The following EMC3 variants were observed in gnomAD, a reference collection of about 807,000 sequenced individuals.
EMC3 encodes ER membrane protein complex subunit 3, also known as 30 kDa protein.
In EMC3, 13 loss-of-function variants were observed where a neutral mutation model predicts 36.6. The observed-to-expected ratio is 0.35, with a 90% CI of 0.23 to 0.56. The LOEUF (loss-of-function observed/expected upper bound fraction) is 0.56. Ranked by LOEUF, EMC3 falls within the 20% of genes least tolerant of loss-of-function variation. EMC3 has a pLI of 0.84. For missense variants in EMC3, 220 were observed against 324.5 expected, an observed-to-expected ratio of 0.68 and a Z score of 2.47; for synonymous variants, 120 against 111.9, an observed-to-expected ratio of 1.07 and a Z score of -0.46.
intron 7 of EMC3, among the ~76,000 whole-genome samples, chr3:9,966,603 C>T (rs2085738964): frequency 6.6e-6 from 1 of 151,912 alleles, no homozygotes; most frequent in African/African-American, 2.4e-5. Context: ...GTGGCGCCAT[C>T]TTGGCTCACT....
At chr3:9,973,601 T>C in intron 5 of EMC3, 27 bp downstream of exon 5, 1 of 1,607,672 alleles carries the variant, frequency 6.2e-7, no homozygotes, top group South Asian at 1.1e-5. Context: ...TGGTTTGTGT[T>C]TTTATTAAAC....
Position 9,968,060 on chromosome 3 carries a change from T to G in EMC3, c.657+1659A>C, listed in dbSNP as rs532208187. On this transcript the variant is annotated intron_variant, in intron 7 of 7. Transcript: ENST00000245046. ...CCTCAGCCTCCCGAGTAGCTGGGAC[T>G]ACAGGCAGGCACCACCATGCACAGC... Among the ~76,000 whole-genome samples the G allele has an allele frequency of 3.7e-4, 57 of 152,344 alleles. No homozygotes were observed. In the South Asian group the frequency reaches 0.011, roughly 30 times the overall value.
Position 9,964,119 on chromosome 3 carries a change from G to A in EMC3, c.736C>T (p.Leu246Phe). The change falls in exon 8 of 8, where the codon CTC (leucine) becomes TTC (phenylalanine). Residue 246 changes from leucine (L) to phenylalanine (F), a missense_variant. Leu to Phe is a conservative substitution (Grantham distance 22). This residue lies in a region of EMC3 where 37 missense variants were observed against 32.9 expected (regional missense o/e 1.13). Transcript: ENST00000245046. ...TTTTTGAACATGCCTTCGAAGTGGA[G>A]GTCTTTGGCCATGAGCTCTTCTTCG... ...DVEEELMAKD[L>F]HFEGMFKKEL... 3 of 1,614,174 alleles carry A rather than the reference G, an allele frequency of 1.9e-6. No homozygotes were observed. Among genetic ancestry groups the A allele is most frequent in the Non-Finnish European group, 2.5e-6 (3 of 1,180,040 alleles).
intron 1 of EMC3, among the ~76,000 whole-genome samples, chr3:9,985,906 A>G (rs1406332408): frequency 6.6e-6 from 1 of 152,212 alleles, no homozygotes; most frequent in African/African-American, 2.4e-5. Context: ...AAAATAAGCA[A>G]ATAAATAGAT....
chr3:9,974,162 G>A (rs1293284224), intron 4 of EMC3, among the ~76,000 whole-genome samples: 6 of 152,320 alleles, frequency 3.9e-5, no homozygotes, highest in Non-Finnish European at 8.8e-5. Context: ...TTGGAAGTAA[G>A]CTAGCAAGTC....
At chr3:9,976,556 C>T (rs1024729982) in intron 3 of EMC3, among the ~76,000 whole-genome samples, 16 of 152,168 alleles carry the variant, frequency 1.1e-4, no homozygotes, top group African/African-American at 3.6e-4. Flanking sequence ...CTGCACTCTT[C>T]CTCATTTAGG....
At chr3:10,010,918 G>T (rs960533176) in intron 1 of EMC3, 1 of 152,390 alleles carries the variant, frequency 6.6e-6, no homozygotes, top group African/African-American at 2.4e-5. Context: ...CCCGGCGGGC[G>T]GCACTTAACG....
upstream of EMC3, chr3:9,988,025 AATT>A: frequency 1.3e-6 from 1 of 776,244 alleles, no homozygotes. Flanking sequence ...GCTCATGGAT[AATT>A]GCCACCCTTT....
At chr3:10,000,907 C>T in intron 1 of EMC3, 1 of 438,126 alleles carries the variant, frequency 2.3e-6, no homozygotes, top group Non-Finnish European at 4.6e-6. Context: ...GCACTGGGCA[C>T]ACTTCTGAAC....
chr3:10,007,576 G>C (rs1252543943), intron 1 of EMC3: 5 of 1,367,608 alleles, frequency 3.7e-6, no homozygotes, highest in East Asian at 4.6e-5. Context: ...GGTGAGGCAG[G>C]CATCCTGGGT....
intron 1 of EMC3, among the ~76,000 whole-genome samples, chr3:9,996,760 A>T (rs77313788): frequency 7.2e-5 from 11 of 152,206 alleles, no homozygotes; most frequent in African/African-American, 2.7e-4. Context: ...TCCCACAGGG[A>T]CAATCACTTT....
At chr3:9,984,803 A>G (rs1321257475) in intron 1 of EMC3, among the ~76,000 whole-genome samples, 1 of 152,200 alleles carries the variant, frequency 6.6e-6, no homozygotes, top group East Asian at 1.9e-4. Context: ...GAAAAAGCCC[A>G]ATACCCAGAA....
intron 1 of EMC3, chr3:10,007,387 C>G (rs765169812): frequency 2.2e-6 from 3 of 1,366,638 alleles, no homozygotes; most frequent in Non-Finnish European, 2.9e-6. Flanking sequence ...CCCTGGGAAC[C>G]AGACTGTGCT....
At chr3:9,999,747 G>A (rs760380192) in intron 1 of EMC3, among the ~76,000 whole-genome samples, 1 of 152,200 alleles carries the variant, frequency 6.6e-6, no homozygotes, top group Non-Finnish European at 1.5e-5. Flanking sequence ...GAGTTAGAGT[G>A]TAAAGAATTC....
At chr3:9,981,908 T>A (rs2124914893) in intron 1 of EMC3, among the ~76,000 whole-genome samples, 1 of 152,238 alleles carries the variant, frequency 6.6e-6, no homozygotes, top group East Asian at 1.9e-4. Flanking sequence ...TATATTTCAT[T>A]CATGTATTTT....
At chr3:9,996,637 T>TA (rs1308447214) in intron 1 of EMC3, among the ~76,000 whole-genome samples, 2 of 152,040 alleles carry the variant, frequency 1.3e-5, no homozygotes, top group South Asian at 2.1e-4. Context: ...TTTTTTTAAT[T>TA]AAAAAAAATT....
At chr3:9,986,419 T>TG in intron 1 of EMC3, 88 bp downstream of exon 1, 2 of 1,515,086 alleles carry the variant, frequency 1.3e-6, no homozygotes, top group African/African-American at 2.7e-5. Context: ...GGGCGCGACG[T>TG]GAACCTAGGC....
chr3:9,968,146 T>C (rs2085750711), intron 7 of EMC3, among the ~76,000 whole-genome samples: 2 of 152,248 alleles, frequency 1.3e-5, no homozygotes, highest in Admixed American at 1.3e-4. Context: ...GGTCTTGATC[T>C]CTTGACGTTG....
intron 1 of EMC3, chr3:10,005,317 C>T (rs2086251546): frequency 6.6e-6 from 1 of 151,946 alleles, no homozygotes; most frequent in African/African-American, 2.4e-5. Flanking sequence ...AGGCAACATA[C>T]ATTGTGGACT....
Sources: gnomAD v4.1 joint callset for allele counts (sites outside exome capture counted in the v4.1 genomes callset) on GRCh38, gnomAD v4.1.1 for gene constraint, gnomAD v4.1.1 regional missense constraint, MANE v1.5 for transcripts, NCBI Gene and HGNC (gene_info 2026-07-23, HGNC 2026-07-21) for gene names.